MLLT10: variants seen among roughly 807,000 people sequenced by gnomAD.
MLLT10 encodes MLLT10 histone lysine methyltransferase DOT1L cofactor.
A neutral mutation model predicts 129.1 loss-of-function variants in MLLT10; 30 were observed. The observed-to-expected ratio is 0.23, with a 90% CI of 0.17 to 0.32. The LOEUF (loss-of-function observed/expected upper bound fraction) is 0.32. Ranked by LOEUF, MLLT10 falls within the 10% of genes least tolerant of loss-of-function variation. The pLI, the probability that MLLT10 is intolerant of heterozygous loss-of-function variation, is 1.00. For missense variants in MLLT10, 1,119 were observed against 1,268.3 expected (o/e 0.88, Z 1.79); for synonymous variants, 490 against 446.4 (o/e 1.10, Z -1.23).
At chr10:21,665,790 T>C (rs993225696) in intron 9 of MLLT10, among the ~76,000 whole-genome samples, 2 of 151,886 alleles carry the variant, frequency 1.3e-5, no homozygotes, top group Non-Finnish European at 2.9e-5. Context: ...GTGCAGTGGC[T>C]TGATCTCGGC....
intron 4 of MLLT10, among the ~76,000 whole-genome samples, chr10:21,587,599 C>A (rs1249300309): frequency 2.6e-5 from 4 of 151,960 alleles, no homozygotes; most frequent in Admixed American, 2.0e-4. Context: ...GTTTATTAGA[C>A]CATGGCATAT....
chr10:21,576,326 T>C (rs1339548101), intron 3 of MLLT10, among the ~76,000 whole-genome samples: 1 of 150,834 alleles, frequency 6.6e-6, no homozygotes, highest in Non-Finnish European at 1.5e-5. Flanking sequence ...CACTGCAAGC[T>C]CCGCCTCCCA....
intron 3 of MLLT10, among the ~76,000 whole-genome samples, chr10:21,550,656 T>A (rs1257338876): frequency 9.2e-5 from 14 of 152,090 alleles, no homozygotes; most frequent in Admixed American, 9.2e-4. Flanking sequence ...CTTAGCCTTA[T>A]GAGTAGCTGG....
intron 3 of MLLT10, among the ~76,000 whole-genome samples, chr10:21,562,294 T>C (rs1033739747): frequency 6.6e-6 from 1 of 152,048 alleles, no homozygotes; most frequent in Non-Finnish European, 1.5e-5. Flanking sequence ...AGAGATTTTA[T>C]TGAATGTGTA....
intron 8 of MLLT10, among the ~76,000 whole-genome samples, chr10:21,637,700 T>C (rs998814684): frequency 1.3e-5 from 2 of 152,166 alleles, no homozygotes; most frequent in African/African-American, 4.8e-5. Flanking sequence ...TTCAGACATA[T>C]TGGAGGGCTT....
intron 13 of MLLT10, among the ~76,000 whole-genome samples, chr10:21,684,822 C>T (rs899764571): frequency 5.3e-5 from 8 of 152,280 alleles, no homozygotes; most frequent in African/African-American, 1.4e-4. Flanking sequence ...TTCTTCTCCC[C>T]GACTTTACGT....
At chr10:21,581,331 C>T (rs1255052412) in intron 3 of MLLT10, among the ~76,000 whole-genome samples, 1 of 152,056 alleles carries the variant, frequency 6.6e-6, no homozygotes, top group Non-Finnish European at 1.5e-5. Context: ...CAGGCGTGAG[C>T]CACTGCGCCC....
intron 4 of MLLT10, among the ~76,000 whole-genome samples, chr10:21,590,635 G>T: frequency 6.6e-6 from 1 of 152,066 alleles, no homozygotes; most frequent in East Asian, 1.9e-4. Context: ...CACCACACCC[G>T]GCCGCCAGTA....
intron 4 of MLLT10, among the ~76,000 whole-genome samples, chr10:21,586,935 AT>A (rs907972228): frequency 5.1e-4 from 74 of 146,104 alleles, no homozygotes; most frequent in Middle Eastern, 3.5e-3. Flanking sequence ...TATGTTAGGA[AT>A]TTTTTTTTTT....
rs567844054 is a variant in MLLT10, at chr10:21,652,431, A to G, written c.795+663A>G. 9.2e-5 allele frequency among the ~76,000 whole-genome samples: 14 copies of G among 152,314 alleles called. No individual in the cohort carries two copies. The East Asian group carries it at 2.5e-3, about 27-fold the overall frequency. ...TGGTTAACTCAATTATATCATTTGT[A>G]AAGTGGGGGAAATTATTAATGAAAT... On this transcript the variant is annotated intron_variant, in intron 9 of 22. Coordinates refer to ENST00000307729, the MANE Select transcript of MLLT10 (RefSeq NM_001195626.3).
chr10:21,742,608 A>C lies in MLLT10; in HGVS notation c.*625A>C. 1 of 220,980 alleles carries C rather than the reference A, an allele frequency of 4.5e-6. No homozygotes were observed. The highest frequency in any genetic ancestry group is 9.1e-6 in the Non-Finnish European group (1 of 110,416). The allele number at this position is 220,980 out of a possible 1,614,324, so 13.7% of individuals were successfully genotyped here. A position where few individuals can be genotyped will look rare whatever the true frequency, so the allele number is the denominator to read the frequency against. ...GGTAATGTCTGCATCTGCTAAAGGTAATTTTCTTTTGAGAATTGCTTTCTT... is the reference window on the plus strand; with the variant it reads ...GGTAATGTCTGCATCTGCTAAAGGTCATTTTCTTTTGAGAATTGCTTTCTT... On this transcript the variant is annotated 3_prime_UTR_variant, in exon 23 of 23. Coordinates refer to ENST00000307729, the MANE Select transcript of MLLT10 (RefSeq NM_001195626.3).
At chr10:21,639,722 G>A (rs1273953556) in intron 8 of MLLT10, among the ~76,000 whole-genome samples, 3 of 152,052 alleles carry the variant, frequency 2.0e-5, no homozygotes, top group East Asian at 1.9e-4. Context: ...ATGTTCACAC[G>A]CTTCTTGGCC....
chr10:21,544,974 C>T (rs751644518), intron 3 of MLLT10, among the ~76,000 whole-genome samples: 4 of 152,084 alleles, frequency 2.6e-5, no homozygotes, highest in Admixed American at 6.6e-5. Flanking sequence ...GGAGAAACTC[C>T]GTCTGTACTA....
At chr10:21,711,832 C>T (rs1207582152) in intron 13 of MLLT10, among the ~76,000 whole-genome samples, 3 of 152,220 alleles carry the variant, frequency 2.0e-5, no homozygotes, top group African/African-American at 2.4e-5. Flanking sequence ...ACTTTTCTCA[C>T]TCCAGGTCTG....
rs531033427 is a variant in MLLT10, at chr10:21,655,939, G to T, written c.795+4171G>T. 1.6e-3 allele frequency among the ~76,000 whole-genome samples: 245 copies of T among 152,312 alleles called. 1 individual carries two copies. The highest frequency in any genetic ancestry group is 2.7e-3 in the Non-Finnish European group (184 of 68,018). ...TCAGCTGTTGAAGGAGGGGTGGCAGGTGTGGACATAATAGGGGAGGTTCAC... is the reference window on the plus strand; with the variant it reads ...TCAGCTGTTGAAGGAGGGGTGGCAGTTGTGGACATAATAGGGGAGGTTCAC... On this transcript the variant is annotated intron_variant, in intron 9 of 22. Coordinates refer to ENST00000307729, the MANE Select transcript of MLLT10 (RefSeq NM_001195626.3).
chr10:21,702,010 TCCACTTC>T (rs1312861570), intron 13 of MLLT10, among the ~76,000 whole-genome samples: 5 of 152,002 alleles, frequency 3.3e-5, no homozygotes, highest in Admixed American at 3.3e-4. Flanking sequence ...CATGGCAACC[TCCACTTC>T]CCAGGTTCAA....
intron 13 of MLLT10, among the ~76,000 whole-genome samples, chr10:21,684,757 T>C (rs1221541058): frequency 6.6e-6 from 1 of 152,218 alleles, no homozygotes; most frequent in African/African-American, 2.4e-5. Context: ...CTCCTTCACA[T>C]GGCATGTGGA....
chr10:21,555,856 A>G (rs146593267), intron 3 of MLLT10, among the ~76,000 whole-genome samples: 4,625 of 147,602 alleles, frequency 0.031, 239 homozygotes, highest in African/African-American at 0.11. Context: ...TAGTAGGAAC[A>G]GGGTTTCTTC....
chr10:21,734,052 C>T lies in MLLT10; in HGVS notation c.2781C>T (p.Ser927=). 6.2e-7 allele frequency: 1 copy of T among 1,614,112 alleles called. No homozygotes were observed. Among genetic ancestry groups the T allele is most frequent in the South Asian group, 1.1e-5 (1 of 91,082 alleles). ...NGVMQTPVTM[S]QNPTPLTHTT... is the part of the protein sequence containing the mutation. ...TTATGCAGACTCCTGTCACAATGTCCCAGAACCCTACCCCTCTCACCCACA... is the reference window on the plus strand; with the variant it reads ...TTATGCAGACTCCTGTCACAATGTCTCAGAACCCTACCCCTCTCACCCACA... Residue 927 remains serine, a synonymous_variant, in exon 20 of 23, where the codon TCC becomes TCT. Coordinates refer to ENST00000307729, the MANE Select transcript of MLLT10 (RefSeq NM_001195626.3).
Sources: allele counts gnomAD v4.1 joint callset (sites outside exome capture counted in the v4.1 genomes callset), GRCh38; gene constraint gnomAD v4.1.1; transcripts MANE v1.5; gene names NCBI Gene and HGNC (gene_info 2026-07-23, HGNC 2026-07-21).